The following MREG variants were observed in gnomAD, a reference collection of about 807,000 sequenced individuals.
The protein encoded by MREG is melanoregulin, also known as dilute suppressor protein homolog.
In MREG, 31 loss-of-function variants were observed where a neutral mutation model predicts 28.5. The observed-to-expected ratio is 1.09, with a 90% confidence interval of 0.82 to 1.47. The LOEUF (loss-of-function observed/expected upper bound fraction) is 1.47, where lower values mean the gene tolerates loss of function less well. Among genes scored for constraint, MREG ranks in the 40% most tolerant of loss-of-function variants. The probability of loss-of-function intolerance (pLI) is 0.00; values close to 1 mark genes in which losing one functional copy is unlikely to be tolerated. For synonymous variants in MREG, 106 were observed against 95.2 expected, an observed-to-expected ratio of 1.11 and a Z score of -0.66; for missense variants, 256 against 257.4, an observed-to-expected ratio of 0.99 and a Z score of 0.04.
intron 2 of MREG, among the ~76,000 whole-genome samples, chr2:215,966,273 C>T (rs16855156): frequency 0.038 from 5,791 of 152,088 alleles, 364 homozygotes; most frequent in African/African-American, 0.12. Context: ...ATTCATGATC[C>T]GCGTGGATCT....
intron 2 of MREG, among the ~76,000 whole-genome samples, chr2:215,965,247 A>G (rs905786172): frequency 2.0e-5 from 3 of 152,352 alleles, no homozygotes; most frequent in South Asian, 2.1e-4. Flanking sequence ...TGAAAATCCT[A>G]TTGATACATT....
rs201080423 is a variant in MREG at position 215,979,467 on chromosome 2, AAATAATAATAATAATAAT to A, written c.255+16821_255+16838del. On this transcript the variant is annotated intron_variant, in intron 2 of 4. Coordinates refer to ENST00000263268, the MANE Select transcript of MREG (RefSeq NM_018000.3). ...AACAAGAGTGAAACTCCATCTCAAA[AAATAATAATAATAATAAT>A]AATAATAATAATAATAATAATAATA... 3.4e-4 allele frequency among the ~76,000 whole-genome samples: 45 copies of A among 132,476 alleles called. 1 individual carries two copies. Among genetic ancestry groups the A allele is most frequent in the African/African-American group, 9.2e-4 (30 of 32,498 alleles). 86.9% of individuals were successfully genotyped at this position (132,476 alleles called of 152,430 possible).
intron 1 of MREG, among the ~76,000 whole-genome samples, chr2:216,028,978 T>C (rs1404653007): frequency 1.3e-5 from 2 of 152,078 alleles, no homozygotes. Flanking sequence ...AGTTTTGGTT[T>C]TCCCCCCATT....
intron 2 of MREG, among the ~76,000 whole-genome samples, chr2:215,971,465 GTAAGCGGTAAA>G (rs1386542566): frequency 2.0e-5 from 3 of 152,184 alleles, no homozygotes; most frequent in Admixed American, 1.3e-4. Flanking sequence ...TTCAAAACAG[GTAAGCGGTAAA>G]TACTATGTCA....
upstream of MREG, among the ~76,000 whole-genome samples, chr2:216,014,531 C>T (rs1225044763): frequency 6.6e-6 from 1 of 151,942 alleles, no homozygotes; most frequent in Non-Finnish European, 1.5e-5. Context: ...CGCCTGTAGT[C>T]CCATCTACTC....
At position 215,945,017 on chromosome 2, in the gene MREG, AC is replaced by A; in HGVS notation, c.511-21del. 1 of 1,554,146 alleles carries A rather than the reference AC, an allele frequency of 6.4e-7. No individual in the cohort carries two copies. Among genetic ancestry groups the A allele is most frequent in the South Asian group, 1.2e-5 (1 of 84,152 alleles). ...ACGGTCCTGCAAAAACAAACAACAA[AC>A]CAAAAAACTGCTGGCAAGATAGGAA... On this transcript the variant is annotated intron_variant, in intron 4 of 4. Transcript: ENST00000263268.
At chr2:215,954,450 ACACACAC>A (rs1692568590) in intron 2 of MREG, among the ~76,000 whole-genome samples, 5 of 149,912 alleles carry the variant, frequency 3.3e-5, no homozygotes, top group African/African-American at 1.2e-4. Flanking sequence ...TGTACAACAC[ACACACAC>A]ACACACACAC....
At chr2:215,964,896 T>A (rs1262188530) in intron 2 of MREG, among the ~76,000 whole-genome samples, 1 of 3,226 alleles carries the variant, frequency 3.1e-4, no homozygotes, top group African/African-American at 8.7e-4. Context: ...GACAGATATC[T>A]CTTTTTAAAA....
chr2:215,947,162 C>T (rs1270618136), intron 2 of MREG, 49 bp from the exon 3 acceptor site: 1 of 1,218,382 alleles, frequency 8.2e-7, no homozygotes, highest in East Asian at 2.4e-5. Context: ...TGGCTTAAAC[C>T]TCTATCTCAT....
At position 215,960,386 on chromosome 2, in the gene MREG, T is replaced by C. The variant is rs572111983; in HGVS notation, c.256-13273A>G. 2.6e-5 allele frequency among the ~76,000 whole-genome samples: 4 copies of C among 152,360 alleles called. No homozygotes were observed. In the South Asian group the frequency reaches 8.3e-4, roughly 32 times the overall value. On this transcript the variant is annotated intron_variant, in intron 2 of 4. Coordinates refer to ENST00000263268, the MANE Select transcript of MREG (RefSeq NM_018000.3). ...TACACAGCAGGTCCTCCAGTGGGGCTGCTGAACTGCACTGCACATGATGAT... is the reference window on the plus strand; with the variant it reads ...TACACAGCAGGTCCTCCAGTGGGGCCGCTGAACTGCACTGCACATGATGAT...
chr2:215,998,693 A>G (rs1693936966), intron 1 of MREG, among the ~76,000 whole-genome samples: 1 of 152,244 alleles, frequency 6.6e-6, no homozygotes, highest in African/African-American at 2.4e-5. Flanking sequence ...CCAGTGAAAG[A>G]GGAGGAAAAT....
At chr2:215,971,664 A>G (rs892806305) in intron 2 of MREG, among the ~76,000 whole-genome samples, 5 of 152,342 alleles carry the variant, frequency 3.3e-5, no homozygotes, top group African/African-American at 1.2e-4. Context: ...ATCCTGGACA[A>G]GCTGAATGTA....
Position 216,006,615 on chromosome 2 carries a change from G to A in MREG, c.95+6618C>T, listed in dbSNP as rs1694160902. Reference sequence around the variant, plus strand: ...AGACCTGGCTCCGGAAAACCCAATAGTATGTGCTGGGAAAAAAGTCAGGCC... The same window carrying A: ...AGACCTGGCTCCGGAAAACCCAATAATATGTGCTGGGAAAAAAGTCAGGCC... On this transcript the variant is annotated intron_variant, in intron 1 of 4. Transcript: ENST00000263268. Among the ~76,000 whole-genome samples the A allele has an allele frequency of 2.6e-5, 4 of 152,196 alleles. No individual in the cohort carries two copies. The South Asian group carries it at 8.3e-4, about 32-fold the overall frequency.
intron 2 of MREG, among the ~76,000 whole-genome samples, chr2:215,987,603 G>C (rs2106007211): frequency 6.6e-6 from 1 of 152,292 alleles, no homozygotes. Flanking sequence ...GAAAGTGGAA[G>C]GGCGCAGTGG....
chr2:216,016,922 T>C (rs1401991798), upstream of MREG, among the ~76,000 whole-genome samples: 1 of 152,248 alleles, frequency 6.6e-6, no homozygotes, highest in Non-Finnish European at 1.5e-5. Flanking sequence ...TACTAACATT[T>C]TTAAAATTAA....
rs143719059 is a variant in MREG, at chr2:215,950,782, A to T, written c.256-3669T>A. Among the ~76,000 whole-genome samples, 109 of 152,314 alleles carry T rather than the reference A, an allele frequency of 7.2e-4. 1 individual carries two copies. The highest frequency in any genetic ancestry group is 5.4e-3 in the East Asian group (28 of 5,184). ...GGATTCCTCTTAAACATGTGACTCC[A>T]AAGAATTGGATCTTGATATGGTTTG... is the stretch of plus-strand genomic sequence containing the variant. On this transcript the variant is annotated intron_variant, in intron 2 of 4. Coordinates refer to ENST00000263268, the MANE Select transcript of MREG (RefSeq NM_018000.3).
chr2:216,027,490 G>A (rs1191348773), intron 1 of MREG, among the ~76,000 whole-genome samples: 6 of 152,152 alleles, frequency 3.9e-5, no homozygotes, highest in Non-Finnish European at 7.4e-5. Context: ...CCAGGAGTTC[G>A]AGACCAGCCT....
intron 1 of MREG, among the ~76,000 whole-genome samples, chr2:216,022,465 A>T (rs1051178617): frequency 6.6e-5 from 10 of 152,104 alleles, no homozygotes; most frequent in Admixed American, 4.6e-4. Context: ...CTATGTTGTC[A>T]TCTCTAGTCT....
chr2:215,980,946 A>T (rs1693413798), intron 2 of MREG, among the ~76,000 whole-genome samples: 1 of 152,046 alleles, frequency 6.6e-6, no homozygotes, highest in African/African-American at 2.4e-5. Context: ...ACGGAAGAGA[A>T]GGGAAATATT....
Sources: allele counts gnomAD v4.1 joint callset (sites outside exome capture counted in the v4.1 genomes callset), GRCh38; gene constraint gnomAD v4.1.1; transcripts MANE v1.5; gene names NCBI Gene and HGNC (gene_info 2026-07-23, HGNC 2026-07-21).